ESCO1: variants seen among roughly 807,000 people sequenced by gnomAD.
The protein encoded by ESCO1 is establishment of sister chromatid cohesion N-acetyltransferase 1, also known as N-acetyltransferase ESCO1.
ESCO1 carries 33 observed loss-of-function variants against 83.5 expected under a neutral mutation model. That is an observed-to-expected ratio of 0.40 (90% CI 0.30 to 0.53). The LOEUF is 0.53. Ranked by LOEUF, ESCO1 falls within the 20% of genes least tolerant of loss-of-function variation. ESCO1 has a pLI of 0.63. For missense variants in ESCO1, 855 were observed against 968.0 expected, an observed-to-expected ratio of 0.88 and a Z score of 1.55; for synonymous variants, 332 against 324.3, an observed-to-expected ratio of 1.02 and a Z score of -0.25.
At chr18:21,589,675 T>C (rs188140769) in intron 1 of ESCO1, among the ~76,000 whole-genome samples, 38 of 152,302 alleles carry the variant, frequency 2.5e-4, no homozygotes, top group Middle Eastern at 3.4e-3. Context: ...AAGATTTCTC[T>C]TCTGGGACAA....
chr18:21,566,012 A>T, intron 6 of ESCO1, 134 bp downstream of exon 6: 1 of 734,986 alleles, frequency 1.4e-6, no homozygotes, highest in East Asian at 2.5e-5. Context: ...GTATAGGCAT[A>T]GAAAAAGCTG....
At chr18:21,576,627 T>C (rs1239444503) in intron 2 of ESCO1, among the ~76,000 whole-genome samples, 1 of 152,186 alleles carries the variant, frequency 6.6e-6, no homozygotes, top group Non-Finnish European at 1.5e-5. Context: ...ATTGACTTAG[T>C]AGGCTCAAGA....
At chr18:21,598,290 A>C (rs887492615) in intron 1 of ESCO1, among the ~76,000 whole-genome samples, 1 of 152,252 alleles carries the variant, frequency 6.6e-6, no homozygotes, top group Non-Finnish European at 1.5e-5. Context: ...CAAGCTAAAA[A>C]GGACTATCTG....
rs1447744154 is a variant in ESCO1, at chr18:21,574,755, T to C, written c.89A>G (p.Asp30Gly). ...TTTTTTTGCTAGATTCTTTTGAGAA[T>C]CCTGAATTTCTGTTTCTGAATTCTT... is the stretch of plus-strand genomic sequence containing the variant. Reference protein sequence around the residue: ...DDKNSETEIQDSQKNLAKKSG... With the variant: ...DDKNSETEIQGSQKNLAKKSG... The change falls in exon 4 of 12, where the codon GAT (aspartate) becomes GGT (glycine). Residue 30 changes from aspartate (D) to glycine (G), a missense_variant. Around this residue, in one of 2 missense-constraint regions of ESCO1, gnomAD observed 726 missense variants for 699.5 expected, o/e 1.04. Transcript: ENST00000269214. 6.2e-7 allele frequency: 1 copy of C among 1,608,474 alleles called. No individual in the cohort carries two copies. The highest frequency in any genetic ancestry group is 1.7e-5 in the Admixed American group (1 of 59,776).
intron 8 of ESCO1, among the ~76,000 whole-genome samples, chr18:21,553,450 A>T (rs1474446819): frequency 0.058 from 22 of 382 alleles, no homozygotes; most frequent in African/African-American, 0.083. Flanking sequence ...TATTTTTATT[A>T]AAAAAAAAAA....
At chr18:21,563,111 T>C (rs1004476081) in intron 7 of ESCO1, among the ~76,000 whole-genome samples, 3 of 152,016 alleles carry the variant, frequency 2.0e-5, no homozygotes. Flanking sequence ...CCTCAGGTGA[T>C]CCGCCCATTT....
At chr18:21,568,673 C>T (rs978796024) in intron 4 of ESCO1, among the ~76,000 whole-genome samples, 2 of 152,070 alleles carry the variant, frequency 1.3e-5, no homozygotes, top group Non-Finnish European at 2.9e-5. Context: ...GAGGCCGAGA[C>T]GGGCGGATCA....
At chr18:21,568,189 C>T in intron 4 of ESCO1, 95 bp from the exon 5 acceptor site, 3 of 900,114 alleles carry the variant, frequency 3.3e-6, no homozygotes, top group Non-Finnish European at 1.7e-6. Context: ...ATTTAACATA[C>T]TTTTTATTTG....
chr18:21,569,940 T>C (rs1419404843), intron 4 of ESCO1, among the ~76,000 whole-genome samples: 2 of 152,216 alleles, frequency 1.3e-5, no homozygotes, highest in South Asian at 4.1e-4. Context: ...AACCTATCCA[T>C]GTTCTATGGT....
At chr18:21,592,268 C>A (rs2038682325) in intron 1 of ESCO1, among the ~76,000 whole-genome samples, 6 of 151,538 alleles carry the variant, frequency 4.0e-5, no homozygotes, top group Admixed American at 3.9e-4. Context: ...CGCCCCTCAC[C>A]TCCTGGACGG....
chr18:21,543,311 C>T (rs544347400), intron 8 of ESCO1, among the ~76,000 whole-genome samples: 4 of 152,258 alleles, frequency 2.6e-5, no homozygotes, highest in East Asian at 3.9e-4. Flanking sequence ...TGTGCCACCA[C>T]GCCGAGCTGA....
chr18:21,553,873 A>C (rs1285977520), intron 8 of ESCO1, among the ~76,000 whole-genome samples: 4 of 151,628 alleles, frequency 2.6e-5, no homozygotes, highest in Middle Eastern at 3.2e-3. Context: ...AAAAAAAAAA[A>C]AAAACACAAA....
At chr18:21,594,014 T>G (rs150706536) in intron 1 of ESCO1, among the ~76,000 whole-genome samples, 1 of 152,136 alleles carries the variant, frequency 6.6e-6, no homozygotes, top group Admixed American at 6.6e-5. Context: ...GGCTGTCCCG[T>G]GCATGGAGGA....
rs565761400 is a variant in ESCO1 at position 21,582,315 on chromosome 18, C to T, written c.-694+1995G>A. On this transcript the variant is annotated intron_variant, in intron 2 of 11. Coordinates refer to ENST00000269214, the MANE Select transcript of ESCO1 (RefSeq NM_052911.3). ...TGCAATCTTGGCTCACTGCATCCTC[C>T]GCCTCCTGGGTTCAAGCGAGTCTCC... Among the ~76,000 whole-genome samples, 119 of 151,828 alleles carry T rather than the reference C, an allele frequency of 7.8e-4. No individual in the cohort carries two copies. In the Middle Eastern group the frequency reaches 0.01, roughly 13 times the overall value.
chr18:21,550,911 G>A (rs1260931346), intron 8 of ESCO1, among the ~76,000 whole-genome samples: 2 of 149,930 alleles, frequency 1.3e-5, no homozygotes, highest in Non-Finnish European at 3.0e-5. Context: ...AGGAAATCAA[G>A]ACCATCCTGG....
chr18:21,567,716 AG>A (rs1175849659), intron 5 of ESCO1, among the ~76,000 whole-genome samples: 1 of 152,228 alleles, frequency 6.6e-6, no homozygotes, highest in Non-Finnish European at 1.5e-5. Flanking sequence ...TTCTCAAGAA[AG>A]TAAGTCACAA....
chr18:21,574,939 G>T lies in ESCO1; in HGVS notation c.-96C>A. 2 of 948,882 alleles carry T rather than the reference G, an allele frequency of 2.1e-6. No homozygotes were observed. The highest frequency in any genetic ancestry group is 3.0e-6 in the Non-Finnish European group (2 of 662,240). 58.8% of individuals were successfully genotyped at this position (948,882 alleles called of 1,614,324 possible). ...GACTAGCTAGTATTATTACTGAGGA[G>T]CAGGTCTGAAAAATCAACTTTAACT... On this transcript the variant is annotated 5_prime_UTR_variant, in exon 4 of 12. Coordinates refer to ENST00000269214, the MANE Select transcript of ESCO1 (RefSeq NM_052911.3).
chr18:21,584,869 A>G (rs1044770178), intron 1 of ESCO1, among the ~76,000 whole-genome samples: 1 of 152,054 alleles, frequency 6.6e-6, no homozygotes, highest in Non-Finnish European at 1.5e-5. Context: ...ATTATATGCA[A>G]AACATTACAC....
At chr18:21,552,341 T>C (rs1262778385) in intron 8 of ESCO1, among the ~76,000 whole-genome samples, 1 of 152,104 alleles carries the variant, frequency 6.6e-6, no homozygotes, top group Non-Finnish European at 1.5e-5. Context: ...AGCAACCCAG[T>C]GGGAGGTAAT....
Sources: gnomAD v4.1 joint callset for allele counts (sites outside exome capture counted in the v4.1 genomes callset) on GRCh38, gnomAD v4.1.1 for gene constraint, gnomAD v4.1.1 regional missense constraint, MANE v1.5 for transcripts, NCBI Gene and HGNC (gene_info 2026-07-23, HGNC 2026-07-21) for gene names.